SH3KBP1: variants seen among roughly 807,000 people sequenced by gnomAD.
The protein encoded by SH3KBP1 is SH3 domain containing kinase binding protein 1.
SH3KBP1 carries 8 observed loss-of-function variants against 50.1 expected under a neutral mutation model. That is an observed-to-expected ratio of 0.16 (90% CI 0.09 to 0.29). The LOEUF (loss-of-function observed/expected upper bound fraction) is 0.29. SH3KBP1 is among the 10% of genes least tolerant of loss of function. The pLI is 1.00. For missense variants in SH3KBP1, 377 were observed against 535.2 expected, an observed-to-expected ratio of 0.70 and a Z score of 2.92; for synonymous variants, 227 against 218.6, an observed-to-expected ratio of 1.04 and a Z score of -0.34.
chrX:19,680,700 A>G (rs2063029691), intron 6 of SH3KBP1, among the ~76,000 whole-genome samples: 1 of 112,591 alleles, frequency 8.9e-6, no homozygotes, highest in African/African-American at 3.2e-5. Context: ...CTAATAAAAC[A>G]GAATCACACT....
intron 6 of SH3KBP1, among the ~76,000 whole-genome samples, chrX:19,658,215 C>CA: frequency 8.9e-6 from 1 of 111,993 alleles, no homozygotes; most frequent in Non-Finnish European, 1.9e-5. Flanking sequence ...GGGGTGTAGT[C>CA]AGTATCTAAT....
chrX:19,731,774 C>T (rs2064385386), intron 3 of SH3KBP1, among the ~76,000 whole-genome samples: 2 of 111,692 alleles, frequency 1.8e-5, no homozygotes, highest in Non-Finnish European at 3.8e-5. Context: ...AAGTGAGCTC[C>T]AAGATGAATA....
intron 13 of SH3KBP1, among the ~76,000 whole-genome samples, chrX:19,567,046 T>C (rs1216081509): frequency 9.1e-6 from 1 of 110,237 alleles, no homozygotes; most frequent in East Asian, 2.9e-4. Flanking sequence ...CCCAAGCAGA[T>C]GATGCTGGAA....
At chrX:19,756,819 G>C (rs965825563) in intron 2 of SH3KBP1, among the ~76,000 whole-genome samples, 1 of 107,326 alleles carries the variant, frequency 9.3e-6, no homozygotes, top group East Asian at 2.9e-4. Flanking sequence ...CTCCAAGACT[G>C]AAGTCAGTCT....
chrX:19,540,715 G>C (rs969440792), intron 16 of SH3KBP1, among the ~76,000 whole-genome samples: 4 of 111,550 alleles, frequency 3.6e-5, no homozygotes, highest in African/African-American at 1.3e-4. Flanking sequence ...GGGATGTGTT[G>C]ACCTCACCAG....
At chrX:19,716,312 G>A (rs1291235185) in intron 3 of SH3KBP1, among the ~76,000 whole-genome samples, 1 of 112,165 alleles carries the variant, frequency 8.9e-6, no homozygotes, top group Non-Finnish European at 1.9e-5. Context: ...CCTCTTGGCT[G>A]TACCTGGACT....
chrX:19,657,045 G>T (rs1054412602), intron 6 of SH3KBP1, among the ~76,000 whole-genome samples: 1 of 111,473 alleles, frequency 9.0e-6, no homozygotes, highest in African/African-American at 3.3e-5. Context: ...CAGAAAAGAG[G>T]TAAATGCCTG....
intron 3 of SH3KBP1, among the ~76,000 whole-genome samples, chrX:19,723,592 T>C (rs2064137161): frequency 8.9e-6 from 1 of 112,266 alleles, no homozygotes; most frequent in Admixed American, 9.4e-5. Context: ...CAGAGATCTG[T>C]AGGGATGACC....
At chrX:19,571,022 C>A (rs1221120752) in intron 12 of SH3KBP1, among the ~76,000 whole-genome samples, 1 of 111,661 alleles carries the variant, frequency 9.0e-6, no homozygotes, top group Non-Finnish European at 1.9e-5. Flanking sequence ...GAGAAAAGGA[C>A]CAATGGAAGG....
intron 9 of SH3KBP1, 100 bp downstream of exon 9, chrX:19,607,838 T>C (rs2067286420): frequency 1.5e-6 from 1 of 670,493 alleles, no homozygotes; most frequent in Admixed American, 2.6e-5. Flanking sequence ...TGTTGAATGT[T>C]CAAATGCCAG....
chrX:19,845,032 C>T (rs189320345), intron 1 of SH3KBP1, among the ~76,000 whole-genome samples: 37 of 110,485 alleles, frequency 3.3e-4, no homozygotes, highest in African/African-American at 1.3e-4. Flanking sequence ...TGAGCCAAGA[C>T]GGCACCACTG....
At chrX:19,730,010 T>C (rs1218099086) in intron 3 of SH3KBP1, among the ~76,000 whole-genome samples, 1 of 111,906 alleles carries the variant, frequency 8.9e-6, no homozygotes, top group Non-Finnish European at 1.9e-5. Context: ...CGATTTTTTT[T>C]TTCCTTTTTG....
intron 1 of SH3KBP1, among the ~76,000 whole-genome samples, chrX:19,881,428 A>T (rs996614206): frequency 3.6e-5 from 4 of 112,147 alleles, no homozygotes; most frequent in African/African-American, 1.3e-4. Flanking sequence ...CAGGGCAGGC[A>T]TTACAGAGGA....
At chrX:19,755,921 G>T (rs1282567847) in intron 2 of SH3KBP1, among the ~76,000 whole-genome samples, 1 of 111,485 alleles carries the variant, frequency 9.0e-6, no homozygotes, top group East Asian at 2.8e-4. Context: ...TGCTCAAATC[G>T]ATCATGACCC....
At chrX:19,597,200 C>T (rs1017614438) in intron 9 of SH3KBP1, among the ~76,000 whole-genome samples, 3 of 112,175 alleles carry the variant, frequency 2.7e-5, no homozygotes, top group African/African-American at 3.2e-5. Flanking sequence ...GGCATGAAAA[C>T]GGCATTCATC....
intron 7 of SH3KBP1, among the ~76,000 whole-genome samples, chrX:19,639,629 T>C (rs1354200932): frequency 9.0e-6 from 1 of 111,333 alleles, no homozygotes; most frequent in Admixed American, 9.5e-5. Flanking sequence ...AATGTCTGTA[T>C]TGGGGAGCAA....
chrX:19,707,354 A>G (rs1052894545), intron 3 of SH3KBP1, among the ~76,000 whole-genome samples: 4 of 112,102 alleles, frequency 3.6e-5, no homozygotes, highest in Admixed American at 2.8e-4. Flanking sequence ...TGTGGTAGAG[A>G]AAAAAGAATG....
chrX:19,828,735 G>A (rs2067770152), intron 2 of SH3KBP1, among the ~76,000 whole-genome samples: 1 of 111,473 alleles, frequency 9.0e-6, no homozygotes, highest in Admixed American at 9.5e-5. Context: ...AGTGAGCTAT[G>A]ATCCCACCCC....
In SH3KBP1 at chrX:19,534,138, C is replaced by T. The variant is rs1480623332; in HGVS notation, c.*2279G>A. 9.2e-6 allele frequency: 1 copy of T among 108,790 alleles called. No individual in the cohort carries two copies. Among genetic ancestry groups the T allele is most frequent in the Non-Finnish European group, 1.9e-5 (1 of 52,356 alleles). 9.0% of individuals were successfully genotyped at this position (108,790 alleles called of 1,213,427 possible). A position where few individuals can be genotyped will look rare whatever the true frequency, so the allele number is the denominator to read the frequency against. On this transcript the variant is annotated 3_prime_UTR_variant, in exon 18 of 18. Coordinates refer to ENST00000397821, the MANE Select transcript of SH3KBP1 (RefSeq NM_031892.3). ...ATTTTTTTTTTTTTCAAAAGTGATA[C>T]TTCCAAGCTTTTCAACATTCTCGAT...
Sources: gnomAD v4.1 joint callset for allele counts (sites outside exome capture counted in the v4.1 genomes callset) on GRCh38, gnomAD v4.1.1 for gene constraint, MANE v1.5 for transcripts, NCBI Gene and HGNC (gene_info 2026-07-23, HGNC 2026-07-21) for gene names.